CHM: variants seen among roughly 807,000 people sequenced by gnomAD.
The protein encoded by CHM is CHM Rab escort protein.
A neutral mutation model predicts 49.0 loss-of-function variants in CHM; 10 were observed. The ratio of observed to expected loss-of-function variants is 0.20; its 90% confidence interval spans 0.13 to 0.35. The LOEUF (loss-of-function observed/expected upper bound fraction) is 0.35, where lower values mean the gene tolerates loss of function less well. CHM is among the 10% of genes least tolerant of loss of function. The pLI is 1.00. For synonymous variants in CHM, 184 were observed against 167.5 expected (o/e 1.10, Z -0.76); for missense variants, 455 against 478.4 (o/e 0.95, Z 0.46).
intron 9 of CHM, among the ~76,000 whole-genome samples, chrX:85,904,324 C>T (rs1926464631): frequency 1.8e-5 from 2 of 111,186 alleles, no homozygotes; most frequent in Middle Eastern, 4.7e-3. Flanking sequence ...AACACTCAAG[C>T]CAGACAGAAC....
At chrX:85,875,973 G>A (rs1452054047) in intron 13 of CHM, among the ~76,000 whole-genome samples, 1 of 111,860 alleles carries the variant, frequency 8.9e-6, no homozygotes, top group Non-Finnish European at 1.9e-5. Context: ...TACAAGTCAT[G>A]TATCTGATAA....
At chrX:86,028,493 T>C (rs969795729) in intron 1 of CHM, among the ~76,000 whole-genome samples, 15 of 111,918 alleles carry the variant, frequency 1.3e-4, no homozygotes, top group African/African-American at 4.2e-4. Flanking sequence ...TATAGCAGTA[T>C]AAAAACAAAA....
chrX:85,974,982 T>C (rs752397859), intron 4 of CHM, among the ~76,000 whole-genome samples: 62 of 110,567 alleles, frequency 5.6e-4, no homozygotes, highest in Non-Finnish European at 1.1e-3. Flanking sequence ...TTTTTTTAAC[T>C]CTGAAAACTC....
intron 12 of CHM, among the ~76,000 whole-genome samples, chrX:85,887,877 A>C (rs1295296912): frequency 9.0e-6 from 1 of 111,504 alleles, no homozygotes; most frequent in Admixed American, 9.6e-5. Flanking sequence ...TGGTGGAAGA[A>C]ATTTCTAAGC....
chrX:85,995,753 A>C (rs1336314742), intron 2 of CHM, among the ~76,000 whole-genome samples: 1 of 112,376 alleles, frequency 8.9e-6, no homozygotes, highest in Non-Finnish European at 1.9e-5. Context: ...AGTAAATGGT[A>C]GCTATTATTA....
chrX:85,937,668 AC>A (rs1383032182), intron 8 of CHM, among the ~76,000 whole-genome samples: 5 of 108,837 alleles, frequency 4.6e-5, no homozygotes, highest in Admixed American at 1.0e-4. Flanking sequence ...ACATGGTGAA[AC>A]CCCACCTCCA....
chrX:85,943,864 A>G (rs2147642751), intron 8 of CHM, among the ~76,000 whole-genome samples: 1 of 111,834 alleles, frequency 8.9e-6, no homozygotes, highest in Admixed American at 9.5e-5. Context: ...AAAACAATAT[A>G]AAAGAGTTCT....
At chrX:85,875,773 C>T (rs1181202739) in intron 13 of CHM, among the ~76,000 whole-genome samples, 2 of 111,313 alleles carry the variant, frequency 1.8e-5, no homozygotes, top group African/African-American at 3.3e-5. Context: ...ATGAGTGAGA[C>T]GCTTCACTGA....
intron 3 of CHM, among the ~76,000 whole-genome samples, chrX:85,981,218 A>C (rs1440681867): frequency 2.8e-5 from 2 of 71,523 alleles, no homozygotes; most frequent in Non-Finnish European, 5.1e-5. Context: ...ATATATATAT[A>C]TAGACACACA....
chrX:85,995,783 T>C (rs991931785), intron 2 of CHM, among the ~76,000 whole-genome samples: 5 of 112,205 alleles, frequency 4.5e-5, no homozygotes, highest in Non-Finnish European at 5.6e-5. Flanking sequence ...TTCAACAGCT[T>C]ACATCTTGAA....
At chrX:85,890,635 T>C (rs913824526) in intron 12 of CHM, among the ~76,000 whole-genome samples, 6 of 112,350 alleles carry the variant, frequency 5.3e-5, no homozygotes, top group Non-Finnish European at 3.8e-5. Flanking sequence ...CCTGCCATGA[T>C]TCTGAAGCAT....
intron 5 of CHM, among the ~76,000 whole-genome samples, chrX:85,960,385 T>G (rs1930231266): frequency 9.0e-6 from 1 of 111,079 alleles, no homozygotes; most frequent in African/African-American, 3.3e-5. Flanking sequence ...TTTCTGAAGC[T>G]CACAAATAAT....
intron 12 of CHM, among the ~76,000 whole-genome samples, chrX:85,891,564 T>C (rs192910118): frequency 1.7e-4 from 19 of 112,236 alleles, no homozygotes; most frequent in African/African-American, 4.8e-4. Context: ...TGTGAGTGCA[T>C]AGAAGTTAAG....
At chrX:86,003,609 A>G (rs1029850124) in intron 2 of CHM, among the ~76,000 whole-genome samples, 1 of 112,284 alleles carries the variant, frequency 8.9e-6, no homozygotes, top group Non-Finnish European at 1.9e-5. Flanking sequence ...GAACTTCATG[A>G]CGCATGCACA....
chrX:85,939,227 T>A (rs1046740649), intron 8 of CHM, among the ~76,000 whole-genome samples: 68 of 112,187 alleles, frequency 6.1e-4, no homozygotes, highest in African/African-American at 2.1e-3. Flanking sequence ...TCAGAATGTA[T>A]CCCTGTTGTT....
chrX:85,870,251 G>A (rs1923966210), intron 14 of CHM, among the ~76,000 whole-genome samples: 1 of 112,078 alleles, frequency 8.9e-6, no homozygotes, highest in Non-Finnish European at 1.9e-5. Context: ...GATAGAATCT[G>A]ACACACAGAA....
At chrX:85,870,424 G>T (rs1200564619) in intron 14 of CHM, among the ~76,000 whole-genome samples, 1 of 112,106 alleles carries the variant, frequency 8.9e-6, no homozygotes, top group Non-Finnish European at 1.9e-5. Flanking sequence ...ATCAAACGTC[G>T]TAAGTGACTG....
chrX:85,921,602 TAG>T (rs1329544157), intron 8 of CHM, among the ~76,000 whole-genome samples: 1 of 111,862 alleles, frequency 8.9e-6, no homozygotes, highest in African/African-American at 3.2e-5. Context: ...AGAGAAAAAT[TAG>T]AGTGACCATT....
intron 2 of CHM, among the ~76,000 whole-genome samples, chrX:85,999,799 A>G (rs1482615970): frequency 8.9e-6 from 1 of 112,195 alleles, no homozygotes; most frequent in African/African-American, 3.2e-5. Flanking sequence ...AGCTCCCTCA[A>G]TTACAATATA....
Sources: gnomAD v4.1 joint callset for allele counts (sites outside exome capture counted in the v4.1 genomes callset) on GRCh38, gnomAD v4.1.1 for gene constraint, MANE v1.5 for transcripts, NCBI Gene and HGNC (gene_info 2026-07-23, HGNC 2026-07-21) for gene names.